MAPK4: variants seen among roughly 807,000 people sequenced by gnomAD.
The protein encoded by MAPK4 is Erk3-related.
A neutral mutation model predicts 47.7 loss-of-function variants in MAPK4; 22 were observed. The ratio of observed to expected loss-of-function variants is 0.46; its 90% CI spans 0.33 to 0.66. The LOEUF is 0.66. Among genes scored for constraint, MAPK4 ranks in the 30% least tolerant of loss-of-function variants. The probability of loss-of-function intolerance (pLI) is 0.02; values close to 1 mark genes in which losing one functional copy is unlikely to be tolerated. For synonymous variants in MAPK4, 390 were observed against 365.7 expected, an observed-to-expected ratio of 1.07 and a Z score of -0.76; for missense variants, 736 against 831.7, an observed-to-expected ratio of 0.88 and a Z score of 1.42.
chr18:50,715,647 G>A (rs1598947875), intron 3 of MAPK4, among the ~76,000 whole-genome samples: 1 of 152,150 alleles, frequency 6.6e-6, no homozygotes, highest in Non-Finnish European at 1.5e-5. Context: ...ACTGTGTAAG[G>A]ACACACTGAG....
chr18:50,621,582 T>A (rs961534480), intron 1 of MAPK4, among the ~76,000 whole-genome samples: 36 of 152,104 alleles, frequency 2.4e-4, no homozygotes, highest in Non-Finnish European at 3.8e-4. Context: ...CTTGGCCAGA[T>A]CCACTAAACA....
chr18:50,595,645 A>G (rs1386736498), intron 1 of MAPK4, among the ~76,000 whole-genome samples: 1 of 152,130 alleles, frequency 6.6e-6, no homozygotes, highest in East Asian at 1.9e-4. Flanking sequence ...AGTCTTCAAG[A>G]CTCATTAAAT....
chr18:50,602,828 C>T (rs1402115560), intron 1 of MAPK4, among the ~76,000 whole-genome samples: 1 of 152,054 alleles, frequency 6.6e-6, no homozygotes, highest in Non-Finnish European at 1.5e-5. Flanking sequence ...TGCTCTAGGC[C>T]AACTGCCTGA....
intron 1 of MAPK4, among the ~76,000 whole-genome samples, chr18:50,616,803 T>C (rs2042688592): frequency 6.6e-6 from 1 of 152,198 alleles, no homozygotes; most frequent in Non-Finnish European, 1.5e-5. Flanking sequence ...ATTCCTGCTT[T>C]TATGCTGTCA....
In MAPK4 at chr18:50,593,330, T is replaced by A. The variant is rs529278310; in HGVS notation, c.-871+33087T>A. On this transcript the variant is annotated intron_variant, in intron 1 of 5. Transcript: ENST00000400384. ...CGTCTTTCCATCTGCAGGCTGGCAA[T>A]CCTTAGTTCTCCCAACAGTTTCTCA... 3.2e-4 allele frequency among the ~76,000 whole-genome samples: 49 copies of A among 152,342 alleles called. 2 individuals are homozygous for A. The South Asian group carries it at 9.8e-3, about 30-fold the overall frequency.
intron 1 of MAPK4, among the ~76,000 whole-genome samples, chr18:50,607,080 A>G (rs911024312): frequency 6.6e-6 from 1 of 152,222 alleles, no homozygotes; most frequent in African/African-American, 2.4e-5. Context: ...GCGGAATGAT[A>G]CAGTATCATC....
chr18:50,715,214 C>T lies in MAPK4; in HGVS notation c.682C>T (p.Leu228Phe). 3 of 1,613,762 alleles carry T rather than the reference C, an allele frequency of 1.9e-6. No individual in the cohort carries two copies. Among genetic ancestry groups the T allele is most frequent in the Admixed American group, 1.7e-5 (1 of 59,932 alleles). Residue 228 changes from leucine to phenylalanine, a missense_variant, in exon 3 of 6, where the codon CTC (leucine) becomes TTC (phenylalanine). This residue lies in a region of MAPK4 where 327 missense variants were observed against 395.4 expected (regional missense o/e 0.83). Coordinates refer to ENST00000400384, the MANE Select transcript of MAPK4 (RefSeq NM_002747.4). Reference sequence around the variant, plus strand: ...GGCTGAGATGCTTACGGGGAGAATGCTCTTTGCTGGTGAGTTGCTAACTAT... The same window carrying T: ...GGCTGAGATGCTTACGGGGAGAATGTTCTTTGCTGGTGAGTTGCTAACTAT... ...ILAEMLTGRMLFAGAHELEQM... is the reference protein window; with the variant it reads ...ILAEMLTGRMFFAGAHELEQM...
chr18:50,611,425 G>A (rs952216212), intron 1 of MAPK4, among the ~76,000 whole-genome samples: 1 of 152,210 alleles, frequency 6.6e-6, no homozygotes, highest in African/African-American at 2.4e-5. Flanking sequence ...AGAACATTCA[G>A]AAGTTACTTG....
intron 2 of MAPK4, 71 bp from the exon 3 acceptor site, chr18:50,715,008 A>C (rs1183470758): frequency 2.7e-6 from 4 of 1,486,184 alleles, no homozygotes; most frequent in Non-Finnish European, 3.7e-6. Flanking sequence ...GGGAGGGGAA[A>C]CTGGAAGAGG....
intron 1 of MAPK4, among the ~76,000 whole-genome samples, chr18:50,589,634 G>A (rs920577829): frequency 1.3e-5 from 2 of 151,526 alleles, no homozygotes; most frequent in South Asian, 2.1e-4. Flanking sequence ...ATGCATGACC[G>A]TGGTGTATCT....
intron 2 of MAPK4, among the ~76,000 whole-genome samples, chr18:50,687,455 A>C (rs1363346829): frequency 1.3e-5 from 2 of 152,240 alleles, no homozygotes; most frequent in Non-Finnish European, 2.9e-5. Context: ...ATTGCCCCCC[A>C]GTTGAAAACA....
At chr18:50,616,213 A>G (rs2042683351) in intron 1 of MAPK4, among the ~76,000 whole-genome samples, 1 of 152,180 alleles carries the variant, frequency 6.6e-6, no homozygotes, top group Non-Finnish European at 1.5e-5. Flanking sequence ...CTACAAAGAA[A>G]GTTGAAAGAT....
chr18:50,598,280 G>A lies in MAPK4; in HGVS notation c.-871+38037G>A, dbSNP rs140397790. ...GCTGTCCTCCAGGAATTTCTAACTC[G>A]ATCACATCACTTACAACAGGAGAAG... is the stretch of plus-strand genomic sequence containing the variant. On this transcript the variant is annotated intron_variant, in intron 1 of 5. Coordinates refer to ENST00000400384, the MANE Select transcript of MAPK4 (RefSeq NM_002747.4). Among the ~76,000 whole-genome samples the A allele has an allele frequency of 3.7e-3, 570 of 152,252 alleles. 4 individuals carry two copies. The highest frequency in any genetic ancestry group is 6.1e-3 in the Non-Finnish European group (413 of 68,014).
At chr18:50,628,712 C>T (rs2042803241) in intron 1 of MAPK4, among the ~76,000 whole-genome samples, 1 of 152,204 alleles carries the variant, frequency 6.6e-6, no homozygotes, top group African/African-American at 2.4e-5. Context: ...CTGATAGCCC[C>T]TCCGACCTCT....
chr18:50,612,701 A>G (rs1197816608), intron 1 of MAPK4, among the ~76,000 whole-genome samples: 1 of 152,228 alleles, frequency 6.6e-6, no homozygotes, highest in Non-Finnish European at 1.5e-5. Context: ...AGCACCCTGC[A>G]GTCATGGAGC....
intron 1 of MAPK4, among the ~76,000 whole-genome samples, chr18:50,660,930 C>T (rs759765020): frequency 1.2e-4 from 19 of 152,162 alleles, no homozygotes; most frequent in African/African-American, 2.2e-4. Flanking sequence ...GACACACACA[C>T]GGGATACAGT....
intron 1 of MAPK4, among the ~76,000 whole-genome samples, chr18:50,583,531 G>C (rs1217759334): frequency 6.6e-6 from 1 of 152,210 alleles, no homozygotes; most frequent in African/African-American, 2.4e-5. Flanking sequence ...GGAGGTTGCA[G>C]TGAGCTGAGA....
intron 2 of MAPK4, among the ~76,000 whole-genome samples, chr18:50,684,304 G>A (rs1318377525): frequency 1.3e-5 from 2 of 152,094 alleles, no homozygotes; most frequent in Non-Finnish European, 2.9e-5. Context: ...TAGTGCTTTG[G>A]GACGCTGAGG....
intron 1 of MAPK4, among the ~76,000 whole-genome samples, chr18:50,561,113 A>C (rs2042149739): frequency 6.6e-6 from 1 of 152,210 alleles, no homozygotes; most frequent in African/African-American, 2.4e-5. Context: ...CCGATCGCTA[A>C]TCGATACCCT....
Sources: allele counts gnomAD v4.1 joint callset (sites outside exome capture counted in the v4.1 genomes callset), GRCh38; gene constraint gnomAD v4.1.1; regional missense constraint gnomAD v4.1.1; transcripts MANE v1.5; gene names NCBI Gene and HGNC (gene_info 2026-07-23, HGNC 2026-07-21).